UNC79: variants seen among roughly 807,000 people sequenced by gnomAD.
The protein encoded by UNC79 is protein unc-79 homolog.
In UNC79, 37 loss-of-function variants were observed where a neutral mutation model predicts 283.1. That is an observed-to-expected ratio of 0.13 (90% CI 0.10 to 0.17). The LOEUF is 0.17. Among genes scored for constraint, UNC79 ranks in the 10% least tolerant of loss-of-function variants. The probability of loss-of-function intolerance (pLI) is 1.00; values close to 1 mark genes in which losing one functional copy is unlikely to be tolerated. For synonymous variants in UNC79, 1,107 were observed against 1,200.2 expected (o/e 0.92, Z 1.61); for missense variants, 2,272 against 3,211.1 (o/e 0.71, Z 7.07).
rs557341959 is a variant in UNC79, at chr14:93,642,206, C to T, written c.5903+959C>T. ...TTGGGAGGCTGAGATGGGTGGATCA[C>T]GAGGTCAGGAGATCGAGACCATCCT... On this transcript the variant is annotated intron_variant, in intron 33 of 48. Transcript: ENST00000555664. Among the ~76,000 whole-genome samples, 8 of 152,040 alleles carry T rather than the reference C, an allele frequency of 5.3e-5. No homozygotes were observed. The East Asian group carries it at 1.2e-3, about 22-fold the overall frequency.
chr14:93,665,026 CTG>C (rs2072020591), intron 40 of UNC79, among the ~76,000 whole-genome samples: 1 of 151,646 alleles, frequency 6.6e-6, no homozygotes. Flanking sequence ...AATATTAAAA[CTG>C]TGATAAAGAC....
chr14:93,347,308 T>C (rs2053869450), intron 1 of UNC79: 3 of 1,605,786 alleles, frequency 1.9e-6, no homozygotes, highest in Non-Finnish European at 2.5e-6. Flanking sequence ...CCGCCGCCAC[T>C]ACCGCCGCTT....
rs975257406 is a variant in UNC79, at chr14:93,403,680, T to C, written c.-350-63991T>C. The stretch of plus-strand genomic sequence containing the variant: ...AACACTGATGATCAATACAGTGTTC[T>C]AATGCTACAGAGAGGGAAAAAGCGG... On this transcript the variant is annotated intron_variant, in intron 1 of 49. Transcript: ENST00000256339. 3.3e-5 allele frequency among the ~76,000 whole-genome samples: 5 copies of C among 152,318 alleles called. No individual in the cohort carries two copies. The East Asian group carries it at 7.7e-4, about 23-fold the overall frequency.
intron 1 of UNC79, among the ~76,000 whole-genome samples, chr14:93,352,218 A>C (rs1166730355): frequency 6.6e-6 from 1 of 152,242 alleles, no homozygotes; most frequent in African/African-American, 2.4e-5. Flanking sequence ...CCATCGGGAC[A>C]CAGGCTCAAT....
intron 41 of UNC79, 66 bp downstream of exon 44, chr14:93,673,521 G>C (rs2073068691): frequency 1.5e-6 from 2 of 1,348,912 alleles, no homozygotes; most frequent in African/African-American, 2.9e-5. Flanking sequence ...AATTAAGGGA[G>C]GTGTAGAGTG....
intron 2 of UNC79, among the ~76,000 whole-genome samples, chr14:93,470,756 G>A (rs184843684): frequency 1.1e-4 from 16 of 152,312 alleles, no homozygotes; most frequent in Non-Finnish European, 1.2e-4. Context: ...CACAACTTCA[G>A]AGTTTAGTTC....
chr14:93,509,241 T>C (rs752769442), intron 7 of UNC79, among the ~76,000 whole-genome samples: 11 of 152,090 alleles, frequency 7.2e-5, no homozygotes, highest in Non-Finnish European at 1.2e-4. Flanking sequence ...CCTCCAACCA[T>C]GGGAATTACA....
chr14:93,478,399 T>C (rs1361483468), intron 4 of UNC79, among the ~76,000 whole-genome samples: 1 of 152,182 alleles, frequency 6.6e-6, no homozygotes, highest in Non-Finnish European at 1.5e-5. Context: ...GAAAAAAATA[T>C]TGCATTGTGG....
upstream of UNC79, among the ~76,000 whole-genome samples, chr14:93,429,665 T>A (rs1411936636): frequency 6.6e-6 from 1 of 152,252 alleles, no homozygotes; most frequent in Non-Finnish European, 1.5e-5. Flanking sequence ...AACATTGATT[T>A]ATCAGCATTA....
At chr14:93,346,881 G>A (rs1434296517) in intron 1 of UNC79, among the ~76,000 whole-genome samples, 1 of 152,066 alleles carries the variant, frequency 6.6e-6, no homozygotes, top group Non-Finnish European at 1.5e-5. Context: ...GGAAAGTGAG[G>A]TGAATGAGGG....
chr14:93,394,977 C>A (rs987281699), intron 1 of UNC79, among the ~76,000 whole-genome samples: 1 of 152,190 alleles, frequency 6.6e-6, no homozygotes, highest in Admixed American at 6.5e-5. Context: ...CCTCCCAAAG[C>A]ATTGGGCTTA....
At chr14:93,533,427 T>C (rs1233473658) in intron 11 of UNC79, among the ~76,000 whole-genome samples, 1 of 152,214 alleles carries the variant, frequency 6.6e-6, no homozygotes, top group African/African-American at 2.4e-5. Context: ...GCAGTTCTTT[T>C]GATAAATTAC....
At chr14:93,579,000 G>A (rs905905396) in intron 18 of UNC79, among the ~76,000 whole-genome samples, 7 of 151,946 alleles carry the variant, frequency 4.6e-5, no homozygotes, top group Admixed American at 1.3e-4. Context: ...TGGGTACCTC[G>A]TAGGTGTCTA....
intron 1 of UNC79, among the ~76,000 whole-genome samples, chr14:93,415,452 G>A (rs1053835273): frequency 2.0e-5 from 3 of 152,130 alleles, no homozygotes; most frequent in Non-Finnish European, 2.9e-5. Flanking sequence ...TTGCATCAAT[G>A]TTCATCAAGG....
At chr14:93,622,968 G>C in intron 30 of UNC79, 127 bp downstream of exon 32, 1 of 1,261,430 alleles carries the variant, frequency 7.9e-7, no homozygotes, top group South Asian at 1.6e-5. Flanking sequence ...CATTATAATG[G>C]CTTCTCAATC....
At chr14:93,354,718 T>A (rs1471565710) in intron 1 of UNC79, among the ~76,000 whole-genome samples, 2 of 152,132 alleles carry the variant, frequency 1.3e-5, no homozygotes, top group African/African-American at 4.8e-5. Flanking sequence ...CCCAGACTGG[T>A]CTTGATCTCC....
upstream of UNC79, among the ~76,000 whole-genome samples, chr14:93,428,600 A>G (rs1357757866): frequency 6.6e-6 from 1 of 152,194 alleles, no homozygotes; most frequent in Non-Finnish European, 1.5e-5. Context: ...GTTGATGATT[A>G]GAGTCTCAAT....
At chr14:93,466,924 C>A in intron 1 of UNC79, 1 of 985,112 alleles carries the variant, frequency 1.0e-6, no homozygotes, top group Non-Finnish European at 1.2e-6. Context: ...GTAAATAAAT[C>A]TATTGAGTCC....
At chr14:93,478,234 T>G (rs182524404) in intron 4 of UNC79, among the ~76,000 whole-genome samples, 1 of 152,296 alleles carries the variant, frequency 6.6e-6, no homozygotes, top group Admixed American at 6.5e-5. Context: ...AGAGGTATCG[T>G]GATGATAAAG....
Sources: gnomAD v4.1 joint callset for allele counts (sites outside exome capture counted in the v4.1 genomes callset) on GRCh38, gnomAD v4.1.1 for gene constraint, MANE v1.5 for transcripts, NCBI Gene and HGNC (gene_info 2026-07-23, HGNC 2026-07-21) for gene names.